VGLL3: variants seen among roughly 807,000 people sequenced by gnomAD.
VGLL3 encodes the protein transcription cofactor vestigial-like protein 3.
In VGLL3, 18 loss-of-function variants were observed where a neutral mutation model predicts 29.2. That is an observed-to-expected ratio of 0.62 (90% CI 0.43 to 0.91). The LOEUF (loss-of-function observed/expected upper bound fraction) is 0.91, where lower values mean the gene tolerates loss of function less well. Ranked by LOEUF, VGLL3 falls within the 40% of genes least tolerant of loss-of-function variation. The probability of loss-of-function intolerance (pLI) is 0.00; values close to 1 mark genes in which losing one functional copy is unlikely to be tolerated. For missense variants in VGLL3, 440 were observed against 413.2 expected (o/e 1.06, Z -0.56); for synonymous variants, 180 against 151.8 (o/e 1.19, Z -1.36).
intron 3 of VGLL3, among the ~76,000 whole-genome samples, chr3:86,948,170 A>G (rs1221593508): frequency 6.6e-6 from 1 of 152,156 alleles, no homozygotes; most frequent in Non-Finnish European, 1.5e-5. Context: ...AGGTGCTTCT[A>G]TGTTGTTTAA....
At chr3:86,988,112 G>A (rs1022895200) in intron 1 of VGLL3, among the ~76,000 whole-genome samples, 1 of 152,160 alleles carries the variant, frequency 6.6e-6, no homozygotes, top group East Asian at 1.9e-4. Flanking sequence ...GAAATTAGTT[G>A]ACAGATACAC....
At chr3:86,974,022 G>T (rs896890942) in intron 2 of VGLL3, among the ~76,000 whole-genome samples, 1 of 151,912 alleles carries the variant, frequency 6.6e-6, no homozygotes, top group Non-Finnish European at 1.5e-5. Context: ...TAATCATATA[G>T]ATTATTTTTA....
intron 2 of VGLL3, among the ~76,000 whole-genome samples, chr3:86,978,020 C>T (rs1705244980): frequency 6.6e-6 from 1 of 152,122 alleles, no homozygotes; most frequent in Non-Finnish European, 1.5e-5. Context: ...GCCAAAATGC[C>T]TAGAGTGTAT....
intron 3 of VGLL3, 93 bp from the exon 4 acceptor site, chr3:86,947,160 CA>C: frequency 2.7e-6 from 2 of 748,540 alleles, no homozygotes; most frequent in South Asian, 1.4e-5. Flanking sequence ...ATATAGAAAC[CA>C]AAATGATAAT....
At chr3:86,947,841 C>A (rs564578112) in intron 3 of VGLL3, among the ~76,000 whole-genome samples, 14 of 151,850 alleles carry the variant, frequency 9.2e-5, no homozygotes, top group African/African-American at 2.7e-4. Flanking sequence ...AAACAGAAAA[C>A]GGGAAATGTG....
chr3:86,958,360 A>G (rs1254796187), intron 3 of VGLL3, among the ~76,000 whole-genome samples: 1 of 152,214 alleles, frequency 6.6e-6, no homozygotes, highest in African/African-American at 2.4e-5. Flanking sequence ...CCAGCAATAT[A>G]TGAGAAATGG....
chr3:86,990,528 G>T, intron 1 of VGLL3, 90 bp downstream of exon 1: 1 of 1,298,948 alleles, frequency 7.7e-7, no homozygotes, highest in Non-Finnish European at 9.9e-7. Context: ...TCTGCGCCAC[G>T]CGTGCCGGCG....
intron 3 of VGLL3, among the ~76,000 whole-genome samples, chr3:86,964,867 T>C (rs1047303454): frequency 6.6e-6 from 1 of 152,158 alleles, no homozygotes; most frequent in Admixed American, 6.5e-5. Flanking sequence ...AATGAAAATT[T>C]CATGTTTTTA....
intron 3 of VGLL3, among the ~76,000 whole-genome samples, chr3:86,964,279 A>G (rs566519955): frequency 3.3e-5 from 5 of 152,340 alleles, no homozygotes; most frequent in South Asian, 4.1e-4. Context: ...AGAGACCTGT[A>G]TGGCATGGCA....
chr3:86,984,107 G>A (rs1340070233), intron 1 of VGLL3, among the ~76,000 whole-genome samples: 2 of 152,178 alleles, frequency 1.3e-5, no homozygotes, highest in African/African-American at 4.8e-5. Flanking sequence ...TAAAAAGTTA[G>A]AGATTAAACA....
chr3:86,969,859 T>C (rs1292128981), intron 2 of VGLL3, among the ~76,000 whole-genome samples: 2 of 152,094 alleles, frequency 1.3e-5, no homozygotes, highest in African/African-American at 4.8e-5. Flanking sequence ...TATGGGGTAG[T>C]TATTGTTATT....
chr3:86,968,814 T>C lies in VGLL3; in HGVS notation c.713A>G (p.His238Arg). 1.2e-6 allele frequency: 2 copies of C among 1,613,880 alleles called. No individual in the cohort carries two copies. The highest frequency in any genetic ancestry group is 1.7e-6 in the Non-Finnish European group (2 of 1,179,972). Reference sequence around the variant, plus strand: ...ATGGTGATGATGGTGGCGGTGGCGGTGGTGCATGTGGGCATGAGGGTGGTG... The same window carrying C: ...ATGGTGATGATGGTGGCGGTGGCGGCGGTGCATGTGGGCATGAGGGTGGTG... ...RHHHPHAHMH[H>R]RHRHHHHHHH... Residue 238 changes from histidine to arginine, a missense_variant, in exon 3 of 4, where the codon CAC becomes CGC. Physicochemically the swap from His to Arg is conservative, Grantham distance 29. Coordinates refer to ENST00000398399, the MANE Select transcript of VGLL3 (RefSeq NM_016206.4).
At chr3:86,981,372 T>A (rs553648129) in intron 1 of VGLL3, among the ~76,000 whole-genome samples, 1 of 152,128 alleles carries the variant, frequency 6.6e-6, no homozygotes, top group Non-Finnish European at 1.5e-5. Context: ...AAAAATTATA[T>A]TTTTCAATAT....
At chr3:86,962,517 T>C (rs965716471) in intron 3 of VGLL3, 4 of 985,124 alleles carry the variant, frequency 4.1e-6, no homozygotes, top group South Asian at 4.7e-5. Flanking sequence ...TAATATGTTG[T>C]AATGAATCTT....
At chr3:86,975,030 C>T (rs1705179310) in intron 2 of VGLL3, among the ~76,000 whole-genome samples, 1 of 152,162 alleles carries the variant, frequency 6.6e-6, no homozygotes, top group South Asian at 2.1e-4. Context: ...TATTCATATA[C>T]ATTATTTAAA....
rs1704402014 is a variant in VGLL3, at chr3:86,941,731, A to G, written c.*5293T>C. 6.6e-6 allele frequency: 1 copy of G among 152,056 alleles called. No homozygotes were observed. The highest frequency in any genetic ancestry group is 1.5e-5 in the Non-Finnish European group (1 of 67,984). The allele number at this position is 152,056 out of a possible 1,614,324, so 9.4% of individuals were successfully genotyped here. A position where few individuals can be genotyped will look rare whatever the true frequency, so the allele number is the denominator to read the frequency against. On this transcript the variant is annotated 3_prime_UTR_variant, in exon 4 of 4. Coordinates refer to ENST00000398399, the MANE Select transcript of VGLL3 (RefSeq NM_016206.4). ...AAGTTGAGATACTTTAACAATAATG[A>G]CGATTTCTGTAGGTTGTAAAAGTGT...
At position 86,945,314 on chromosome 3, in the gene VGLL3, C is replaced by CT. The variant is rs1225467774; in HGVS notation, c.*1709dup. 2 of 152,110 alleles carry CT rather than the reference C, an allele frequency of 1.3e-5. No individual in the cohort carries two copies. The highest frequency in any genetic ancestry group is 2.4e-5 in the African/African-American group (1 of 41,420). 9.4% of individuals were successfully genotyped at this position (152,110 alleles called of 1,614,324 possible). On this transcript the variant is annotated 3_prime_UTR_variant, in exon 4 of 4. Coordinates refer to ENST00000398399, the MANE Select transcript of VGLL3 (RefSeq NM_016206.4). ...TGAAAATTATCTATGAGAACTCTGC[C>CT]TAGCTGAACATGTCATGTTCATGTC...
chr3:86,946,754 A>G lies in VGLL3; in HGVS notation c.*270T>C, dbSNP rs1704515450. ...CAAAATGAAACAAAAACTTAGCTAT[A>G]TATTGATAAAAGCAAGATAACAAAA... On this transcript the variant is annotated 3_prime_UTR_variant, in exon 4 of 4. Coordinates refer to ENST00000398399, the MANE Select transcript of VGLL3 (RefSeq NM_016206.4). The G allele has an allele frequency of 5.9e-6, 2 of 341,874 alleles. No individual in the cohort carries two copies. Among genetic ancestry groups the G allele is most frequent in the Non-Finnish European group, 1.1e-5 (2 of 189,104 alleles). 21.2% of individuals were successfully genotyped at this position (341,874 alleles called of 1,614,324 possible).
intron 1 of VGLL3, among the ~76,000 whole-genome samples, chr3:86,980,276 C>A (rs912638402): frequency 1.3e-5 from 2 of 152,090 alleles, no homozygotes; most frequent in East Asian, 3.9e-4. Flanking sequence ...TTACTAGCTT[C>A]AATATCTATA....
Sources: allele counts gnomAD v4.1 joint callset (sites outside exome capture counted in the v4.1 genomes callset), GRCh38; gene constraint gnomAD v4.1.1; transcripts MANE v1.5; gene names NCBI Gene and HGNC (gene_info 2026-07-23, HGNC 2026-07-21).